The following USH2A variants were observed in gnomAD, a reference collection of about 807,000 sequenced individuals.
USH2A encodes Usher syndrome 2A (autosomal recessive, mild).
USH2A carries 443 observed loss-of-function variants against 538.9 expected under a neutral mutation model. The observed-to-expected ratio is 0.82, with a 90% confidence interval of 0.76 to 0.89. The LOEUF is 0.89. Ranked by LOEUF, USH2A falls within the 40% of genes least tolerant of loss-of-function variation. USH2A has a pLI of 0.00. For missense variants in USH2A, 6,633 were observed against 6,324.8 expected (o/e 1.05, Z -1.65); for synonymous variants, 2,413 against 2,273.5 (o/e 1.06, Z -1.75).
chr1:215,996,558 A>ATGTTTT (rs1558201489), intron 34 of USH2A, among the ~76,000 whole-genome samples: 2 of 46,070 alleles, frequency 4.3e-5, no homozygotes, highest in African/African-American at 2.0e-4. Flanking sequence ...GCAACATATT[A>ATGTTTT]TGTTTTTTTT....
intron 20 of USH2A, among the ~76,000 whole-genome samples, chr1:216,185,971 C>T (rs2102650901): frequency 6.6e-6 from 1 of 151,566 alleles, no homozygotes; most frequent in South Asian, 2.1e-4. Context: ...TATAATAAAC[C>T]CAACTGTAAG....
chr1:216,039,214 G>T (rs1234489520), intron 32 of USH2A, among the ~76,000 whole-genome samples: 1 of 151,964 alleles, frequency 6.6e-6, no homozygotes, highest in Non-Finnish European at 1.5e-5. Context: ...TTAACCCAAA[G>T]ATCTGGTATA....
At chr1:216,096,150 TC>T (rs1231091346) in intron 22 of USH2A, among the ~76,000 whole-genome samples, 1 of 152,190 alleles carries the variant, frequency 6.6e-6, no homozygotes, top group Non-Finnish European at 1.5e-5. Context: ...AAAATTCATA[TC>T]CTCACATTTG....
At chr1:215,796,521 A>G (rs1301432585) in intron 50 of USH2A, among the ~76,000 whole-genome samples, 1 of 152,000 alleles carries the variant, frequency 6.6e-6, no homozygotes, top group African/African-American at 2.4e-5. Flanking sequence ...TTGCCCATAT[A>G]AGACGGAAAG....
At chr1:215,636,690 G>T (rs528545182) in intron 69 of USH2A, among the ~76,000 whole-genome samples, 2 of 152,236 alleles carry the variant, frequency 1.3e-5, no homozygotes, top group Admixed American at 1.3e-4. Flanking sequence ...AAGGGAAATA[G>T]CCCTTAGAAC....
intron 3 of USH2A, among the ~76,000 whole-genome samples, chr1:216,377,805 TAAAA>T (rs1157586090): frequency 3.3e-4 from 3 of 9,050 alleles, no homozygotes; most frequent in Admixed American, 1.7e-3. Flanking sequence ...AGGAAAGAAA[TAAAA>T]AGAAAGAAAG....
At chr1:216,026,991 A>G (rs1019599220) in intron 32 of USH2A, among the ~76,000 whole-genome samples, 1 of 152,194 alleles carries the variant, frequency 6.6e-6, no homozygotes, top group Non-Finnish European at 1.5e-5. Context: ...TATCCCCTCA[A>G]AAACTTGTGT....
chr1:215,932,446 A>C (rs1666388789), intron 38 of USH2A, among the ~76,000 whole-genome samples: 1 of 152,172 alleles, frequency 6.6e-6, no homozygotes, highest in Admixed American at 6.6e-5. Flanking sequence ...TCAGGATAAT[A>C]TGTTTTCAGA....
Position 216,258,242 on chromosome 1 carries a change from A to G in USH2A, c.1972-7144T>C, listed in dbSNP as rs546190760. ...TTGCTCTTAAGATTTATTAGGTGGT[A>G]TTGAAGTAGTTATCAGCCTAGGGCT... On this transcript the variant is annotated intron_variant, in intron 11 of 71. Transcript: ENST00000307340. Among the ~76,000 whole-genome samples, 15 of 152,172 alleles carry G rather than the reference A, an allele frequency of 9.9e-5. 2 individuals carry two copies. The South Asian group carries it at 2.9e-3, about 29-fold the overall frequency.
At chr1:216,368,283 A>C (rs2038637419) in intron 3 of USH2A, among the ~76,000 whole-genome samples, 2 of 152,122 alleles carry the variant, frequency 1.3e-5, no homozygotes, top group South Asian at 4.1e-4. Context: ...GTATAATTCA[A>C]AAGTCCAGAA....
chr1:216,386,357 C>A (rs1007122766), intron 3 of USH2A, among the ~76,000 whole-genome samples: 10 of 149,760 alleles, frequency 6.7e-5, no homozygotes, highest in Non-Finnish European at 1.5e-4. Context: ...ATTTGCTGGT[C>A]GTGGTGGCGG....
In USH2A at chr1:216,198,595, T is replaced by C. The variant is rs1306962004; in HGVS notation, c.3812-11A>G. 3 of 1,609,410 alleles carry C rather than the reference T, an allele frequency of 1.9e-6. No individual in the cohort carries two copies. The African/African-American group carries it at 4.0e-5, about 21-fold the overall frequency. ...ATCTTATAATTATTCCTAGAGAAAT[T>C]AAATAGTGAACCTACGTAACTCATC... On this transcript the variant is annotated splice_polypyrimidine_tract_variant and intron_variant, in intron 17 of 71. Coordinates refer to ENST00000307340, the MANE Select transcript of USH2A (RefSeq NM_206933.4).
At chr1:216,381,315 T>A (rs2038918593) in intron 3 of USH2A, among the ~76,000 whole-genome samples, 1 of 152,112 alleles carries the variant, frequency 6.6e-6, no homozygotes, top group Admixed American at 6.5e-5. Flanking sequence ...AGAAGGACAA[T>A]GAAGCTATAG....
chr1:216,096,466 A>G (rs116006272), intron 22 of USH2A, among the ~76,000 whole-genome samples: 1 of 152,222 alleles, frequency 6.6e-6, no homozygotes. Context: ...ATTGATTTGT[A>G]TCTCAGTTAA....
intron 15 of USH2A, among the ~76,000 whole-genome samples, chr1:216,212,920 A>G (rs2035271691): frequency 6.6e-6 from 1 of 152,118 alleles, no homozygotes. Context: ...CTATCTTAGC[A>G]TCCTAATAGA....
chr1:215,684,855 A>G (rs913722893), intron 61 of USH2A, among the ~76,000 whole-genome samples: 2 of 150,808 alleles, frequency 1.3e-5, no homozygotes, highest in African/African-American at 2.4e-5. Context: ...AGTTATGATG[A>G]ATACCAAGAA....
rs777317002 is a variant in USH2A at position 216,335,992 on chromosome 1, C to T, written c.785-8338G>A. On this transcript the variant is annotated intron_variant, in intron 4 of 71. Transcript: ENST00000307340. ...AAAAGAAAACTATAGGCCAATATGC[C>T]TTATGAATACAGATGCAAAAGTCTT... Among the ~76,000 whole-genome samples the T allele has an allele frequency of 2.0e-5, 3 of 151,386 alleles. No homozygotes were observed. In the East Asian group the frequency reaches 5.8e-4, roughly 29 times the overall value.
At chr1:215,870,864 G>T (rs1470029097) in intron 43 of USH2A, among the ~76,000 whole-genome samples, 2 of 151,944 alleles carry the variant, frequency 1.3e-5, no homozygotes, top group African/African-American at 4.8e-5. Flanking sequence ...AATGATAAAA[G>T]AATACATTTT....
At chr1:216,103,964 A>G (rs1220630721) in intron 21 of USH2A, among the ~76,000 whole-genome samples, 1 of 152,232 alleles carries the variant, frequency 6.6e-6, no homozygotes, top group African/African-American at 2.4e-5. Flanking sequence ...GGCAAAATTA[A>G]ACAATCATTT....
Sources: allele counts gnomAD v4.1 joint callset (sites outside exome capture counted in the v4.1 genomes callset), GRCh38; gene constraint gnomAD v4.1.1; transcripts MANE v1.5; gene names NCBI Gene and HGNC (gene_info 2026-07-23, HGNC 2026-07-21).